The following GLYATL2 variants were observed in gnomAD, a reference collection of about 807,000 sequenced individuals.
GLYATL2 encodes the protein glycine-N-acyltransferase like 2.
Under a neutral mutation model 21.4 loss-of-function variants are expected in GLYATL2, and 25 were observed. The observed-to-expected ratio is 1.17, with a 90% CI of 0.85 to 1.63. The LOEUF (loss-of-function observed/expected upper bound fraction) is 1.63, where lower values mean the gene tolerates loss of function less well. Ranked by LOEUF, GLYATL2 falls within the 40% of genes most tolerant of loss-of-function variation. The pLI, the probability that GLYATL2 is intolerant of heterozygous loss-of-function variation, is 0.00. For missense variants in GLYATL2, 361 were observed against 343.3 expected (o/e 1.05, Z -0.41); for synonymous variants, 114 against 118.2 (o/e 0.96, Z 0.23).
At chr11:58,862,426 G>A (rs1334606096) in intron 1 of GLYATL2, among the ~76,000 whole-genome samples, 1 of 151,952 alleles carries the variant, frequency 6.6e-6, no homozygotes, top group Non-Finnish European at 1.5e-5. Context: ...CTCTTTCTGG[G>A]ACACACATGA....
At chr11:58,891,222 T>C (rs1311769096) in intron 1 of GLYATL2, among the ~76,000 whole-genome samples, 2 of 152,170 alleles carry the variant, frequency 1.3e-5, no homozygotes, top group East Asian at 1.9e-4. Flanking sequence ...CAACATAATA[T>C]TAATACATTC....
chr11:58,885,436 A>G (rs576545404), intron 1 of GLYATL2: 15 of 490,288 alleles, frequency 3.1e-5, no homozygotes, highest in South Asian at 2.1e-4. Flanking sequence ...TCCTTCATAT[A>G]TATGGCTGTG....
intron 1 of GLYATL2, among the ~76,000 whole-genome samples, chr11:58,859,225 ATCCT>A (rs1446531004): frequency 6.6e-6 from 1 of 151,954 alleles, no homozygotes; most frequent in Non-Finnish European, 1.5e-5. Flanking sequence ...ATCAATAAGG[ATCCT>A]AGCTACAGCC....
At position 58,839,570 on chromosome 11, in the gene GLYATL2, T is replaced by A. The variant is rs776582095; in HGVS notation, c.43A>T (p.Lys15Ter). ...HNSQKLQILY[K>*]SLEKSIPESI... is the part of the protein sequence containing the mutation. Reference sequence around the variant, plus strand: ...TCAGGGATGCTCTTTTCTAAGGATTTATACAGAATCTGCAGCTTCTGAGAG... The same window carrying A: ...TCAGGGATGCTCTTTTCTAAGGATTAATACAGAATCTGCAGCTTCTGAGAG... The change falls in exon 2 of 6, where the codon AAA (lysine) becomes TAA (stop). Residue 15 changes from lysine to a stop codon, truncating the protein, a stop_gained. Coordinates refer to ENST00000287275, the MANE Select transcript of GLYATL2 (RefSeq NM_145016.4). LOFTEE classifies it high-confidence loss of function. The A allele has an allele frequency of 6.2e-7, 1 of 1,611,834 alleles. No individual in the cohort carries two copies. The highest frequency in any genetic ancestry group is 1.3e-5 in the African/African-American group (1 of 74,862).
At chr11:58,892,932 T>A (rs1244480283) in intron 1 of GLYATL2, 1 of 296,528 alleles carries the variant, frequency 3.4e-6, no homozygotes, top group East Asian at 6.5e-5. Context: ...AGAGGATGAA[T>A]TCCTTTCTTG....
intron 1 of GLYATL2, among the ~76,000 whole-genome samples, chr11:58,872,556 G>T (rs1335087128): frequency 1.3e-5 from 2 of 152,216 alleles, no homozygotes; most frequent in African/African-American, 2.4e-5. Context: ...TTTCCCCATT[G>T]CTTGTTCTTG....
intron 2 of GLYATL2, 64 bp from the exon 3 acceptor site, chr11:58,838,432 TG>T: frequency 3.9e-6 from 4 of 1,035,992 alleles, no homozygotes; most frequent in Non-Finnish European, 5.9e-6. Flanking sequence ...GTCTTATATG[TG>T]GAGAAATAAG....
At chr11:58,889,636 A>C (rs1854505557) in intron 1 of GLYATL2, among the ~76,000 whole-genome samples, 1 of 151,826 alleles carries the variant, frequency 6.6e-6, no homozygotes, top group Non-Finnish European at 1.5e-5. Flanking sequence ...CAATTTATAT[A>C]GTCATGAAAT....
Position 58,887,622 on chromosome 11 carries a change from T to C in GLYATL2, n.60+16534A>G, listed in dbSNP as rs557545129. ...GATGATCTCTTCTGTCATCACTTTT[T>C]AATTTGCCTTTCACATATGGACATC... On this transcript the variant is annotated intron_variant and non_coding_transcript_variant, in intron 1 of 4. Transcript: ENST00000533636. Among the ~76,000 whole-genome samples the C allele has an allele frequency of 2.0e-4, 30 of 152,294 alleles. No individual in the cohort carries two copies. In the East Asian group the frequency reaches 4.4e-3, roughly 22 times the overall value.
intron 1 of GLYATL2, among the ~76,000 whole-genome samples, chr11:58,852,125 A>G (rs480413): frequency 0.89 from 135,706 of 152,172 alleles, 61,555 homozygotes; most frequent in Non-Finnish European, 0.98. Context: ...CTGTGAAACC[A>G]AATGACTATA....
intron 1 of GLYATL2, among the ~76,000 whole-genome samples, chr11:58,868,106 T>C (rs1336646548): frequency 2.0e-5 from 3 of 148,846 alleles, no homozygotes; most frequent in Non-Finnish European, 4.5e-5. Flanking sequence ...GCCATTCTCC[T>C]GGCCAAAGTC....
Position 58,837,257 on chromosome 11 carries a change from C to T in GLYATL2, c.313+14G>A, listed in dbSNP as rs1294078815. The T allele has an allele frequency of 6.2e-7, 1 of 1,613,414 alleles. No individual in the cohort carries two copies. The highest frequency in any genetic ancestry group is 8.5e-7 in the Non-Finnish European group (1 of 1,179,708). ...TAAACCATGGATCTTTTTCTTTTAACTCAGACTAGTTACCTTGGATCTGCA... is the reference window on the plus strand; with the variant it reads ...TAAACCATGGATCTTTTTCTTTTAATTCAGACTAGTTACCTTGGATCTGCA... On this transcript the variant is annotated intron_variant, in intron 4 of 5. Transcript: ENST00000287275.
chr11:58,876,169 G>A (rs1043814000), intron 1 of GLYATL2, among the ~76,000 whole-genome samples: 1 of 152,208 alleles, frequency 6.6e-6, no homozygotes, highest in East Asian at 1.9e-4. Flanking sequence ...CTCTGCATTG[G>A]TTATTCTAGT....
intron 1 of GLYATL2, among the ~76,000 whole-genome samples, chr11:58,872,605 C>A (rs916826844): frequency 4.6e-5 from 7 of 152,182 alleles, no homozygotes; most frequent in Non-Finnish European, 8.8e-5. Context: ...AGATATGCAT[C>A]ATTATTTCTG....
At chr11:58,880,246 G>A (rs1409609649) in intron 1 of GLYATL2, among the ~76,000 whole-genome samples, 1 of 152,166 alleles carries the variant, frequency 6.6e-6, no homozygotes, top group Non-Finnish European at 1.5e-5. Flanking sequence ...TTAAGAATAT[G>A]GGTAGAGAAC....
intron 5 of GLYATL2, 72 bp downstream of exon 5, chr11:58,836,943 T>G: frequency 7.4e-7 from 1 of 1,355,544 alleles, no homozygotes; most frequent in South Asian, 1.3e-5. Flanking sequence ...AATCCTACAT[T>G]TCCAAGTACA....
intron 1 of GLYATL2, among the ~76,000 whole-genome samples, chr11:58,870,350 A>G (rs1211245776): frequency 1.3e-5 from 2 of 152,172 alleles, no homozygotes; most frequent in Admixed American, 1.3e-4. Context: ...GAGGTCAGGG[A>G]TGTGACTGGA....
upstream of GLYATL2, among the ~76,000 whole-genome samples, chr11:58,848,659 A>G (rs1435914454): frequency 6.6e-6 from 1 of 152,198 alleles, no homozygotes; most frequent in African/African-American, 2.4e-5. Context: ...CTTTCAAAAG[A>G]TACAAAATAA....
chr11:58,895,995 G>A (rs1226234874), intron 1 of GLYATL2, among the ~76,000 whole-genome samples: 2 of 152,024 alleles, frequency 1.3e-5, no homozygotes, highest in Non-Finnish European at 2.9e-5. Context: ...TGGGATTACA[G>A]GCGCCCACCA....
Sources: allele counts gnomAD v4.1 joint callset (sites outside exome capture counted in the v4.1 genomes callset), GRCh38; gene constraint gnomAD v4.1.1; transcripts MANE v1.5; gene names NCBI Gene and HGNC (gene_info 2026-07-23, HGNC 2026-07-21).